The following TMEM232 variants were observed in gnomAD, a reference collection of about 807,000 sequenced individuals.
The protein encoded by TMEM232 is transmembrane protein 232.
TMEM232 carries 80 observed loss-of-function variants against 78.8 expected under a neutral mutation model. That is an observed-to-expected ratio of 1.01 (90% CI 0.85 to 1.22). The LOEUF is 1.22. TMEM232 is among the 50% of genes most tolerant of loss of function. The pLI, the probability that TMEM232 is intolerant of heterozygous loss-of-function variation, is 0.00. For missense variants in TMEM232, 881 were observed against 742.2 expected (o/e 1.19, Z -2.17); for synonymous variants, 297 against 254.3 (o/e 1.17, Z -1.60).
chr5:110,558,788 G>C (rs73222660), intron 11 of TMEM232, among the ~76,000 whole-genome samples: 6,356 of 152,198 alleles, frequency 0.042, 431 homozygotes, highest in African/African-American at 0.14. Context: ...AACTATCTCT[G>C]CCAGCTCAAA....
At chr5:110,391,253 CAT>C (rs1413301293) in intron 3 of TMEM232, among the ~76,000 whole-genome samples, 1 of 146,840 alleles carries the variant, frequency 6.8e-6, no homozygotes, top group Non-Finnish European at 1.5e-5. Context: ...AATGCTGGTA[CAT>C]GTCTATTAGC....
At chr5:110,406,249 A>G (rs1326517950) in intron 2 of TMEM232, among the ~76,000 whole-genome samples, 1 of 135,912 alleles carries the variant, frequency 7.4e-6, no homozygotes, top group Non-Finnish European at 1.6e-5. Context: ...TCATCTACCT[A>G]TGACACAGAT....
intron 2 of TMEM232, among the ~76,000 whole-genome samples, chr5:110,405,308 C>T (rs762994410): frequency 6.6e-6 from 1 of 151,986 alleles, no homozygotes; most frequent in Non-Finnish European, 1.5e-5. Context: ...GGCTTGCATT[C>T]ACTGTCAAAG....
rs1000638883 is a variant in TMEM232, at chr5:110,580,053, C to T, written c.1277-11428G>A. Among the ~76,000 whole-genome samples the T allele has an allele frequency of 4.6e-5, 7 of 151,570 alleles. No homozygotes were observed. The South Asian group carries it at 8.3e-4, about 18-fold the overall frequency. On this transcript the variant is annotated intron_variant, in intron 10 of 13. Transcript: ENST00000455884. Reference sequence around the variant, plus strand: ...AAGAAACAGGCTTTAAGTCAAAAAACGGTCACAATAGACTAAGAAAAATAT... The same window carrying T: ...AAGAAACAGGCTTTAAGTCAAAAAATGGTCACAATAGACTAAGAAAAATAT...
intron 12 of TMEM232, among the ~76,000 whole-genome samples, chr5:110,475,777 C>A (rs1476675031): frequency 6.6e-6 from 1 of 151,854 alleles, no homozygotes; most frequent in Admixed American, 6.6e-5. Context: ...TTAATTGCAG[C>A]ACAAGCACCT....
intron 12 of TMEM232, among the ~76,000 whole-genome samples, chr5:110,461,616 C>T (rs982940084): frequency 2.6e-5 from 4 of 152,170 alleles, no homozygotes; most frequent in African/African-American, 4.8e-5. Context: ...AAGAAGATTT[C>T]ATCTTGGACT....
intron 1 of TMEM232, among the ~76,000 whole-genome samples, chr5:110,679,321 T>C (rs977769409): frequency 6.6e-6 from 1 of 152,258 alleles, no homozygotes; most frequent in African/African-American, 2.4e-5. Context: ...CATCTATATT[T>C]CATCTTTGTT....
intron 12 of TMEM232, among the ~76,000 whole-genome samples, chr5:110,448,695 A>C (rs1447386885): frequency 6.6e-6 from 1 of 152,024 alleles, no homozygotes; most frequent in Non-Finnish European, 1.5e-5. Flanking sequence ...CCCCTCTCAC[A>C]TGGAATGAGG....
intron 12 of TMEM232, among the ~76,000 whole-genome samples, chr5:110,468,587 A>G (rs1762342814): frequency 6.6e-6 from 1 of 152,122 alleles, no homozygotes. Context: ...TTCTATTCGA[A>G]TGATATATAA....
intron 12 of TMEM232, among the ~76,000 whole-genome samples, chr5:110,434,435 CA>C (rs1404448634): frequency 6.6e-6 from 1 of 151,520 alleles, no homozygotes; most frequent in African/African-American, 2.4e-5. Flanking sequence ...AAATCCTAAA[CA>C]GACCATTAAA....
chr5:110,647,210 T>C (rs1226515336), intron 2 of TMEM232, among the ~76,000 whole-genome samples: 5 of 151,852 alleles, frequency 3.3e-5, no homozygotes, highest in Non-Finnish European at 7.4e-5. Context: ...TTGTGAAAAA[T>C]AAAATTTATT....
chr5:110,721,896 G>A (rs1243369995), intron 1 of TMEM232, among the ~76,000 whole-genome samples: 1 of 151,704 alleles, frequency 6.6e-6, no homozygotes, highest in Non-Finnish European at 1.5e-5. Context: ...GAGAGAAGCA[G>A]AAGCACATCC....
intron 12 of TMEM232, among the ~76,000 whole-genome samples, chr5:110,457,843 C>T (rs1413018362): frequency 2.0e-5 from 3 of 151,904 alleles, no homozygotes; most frequent in African/African-American, 7.2e-5. Flanking sequence ...ATTATTCCAA[C>T]TTTTAATAAA....
chr5:110,511,426 A>G (rs1288602764), intron 12 of TMEM232, among the ~76,000 whole-genome samples: 3 of 152,054 alleles, frequency 2.0e-5, no homozygotes, highest in Non-Finnish European at 2.9e-5. Flanking sequence ...CATGTACCCC[A>G]GAACTTAAAG....
At chr5:110,486,712 C>CTATAA (rs1764502885) in intron 12 of TMEM232, among the ~76,000 whole-genome samples, 1 of 152,154 alleles carries the variant, frequency 6.6e-6, no homozygotes, top group Non-Finnish European at 1.5e-5. Flanking sequence ...GTTAATGTGA[C>CTATAA]TATGGCCTTA....
At chr5:110,595,636 T>C (rs573625689) in intron 10 of TMEM232, among the ~76,000 whole-genome samples, 2 of 152,224 alleles carry the variant, frequency 1.3e-5, no homozygotes, top group East Asian at 1.9e-4. Context: ...CATACACAAG[T>C]ATCAATAGCT....
chr5:110,395,033 T>C (rs1164299212), intron 3 of TMEM232, among the ~76,000 whole-genome samples: 1 of 152,080 alleles, frequency 6.6e-6, no homozygotes, highest in Non-Finnish European at 1.5e-5. Flanking sequence ...GTCTTGTGGG[T>C]TAGGTAATTC....
chr5:110,501,914 C>A (rs922533560), intron 12 of TMEM232, among the ~76,000 whole-genome samples: 14 of 151,998 alleles, frequency 9.2e-5, no homozygotes, highest in Admixed American at 3.3e-4. Flanking sequence ...TGAAATGTTG[C>A]TTAGTTTTGC....
chr5:110,435,617 C>T (rs1758345153), intron 12 of TMEM232, among the ~76,000 whole-genome samples: 1 of 151,840 alleles, frequency 6.6e-6, no homozygotes, highest in African/African-American at 2.4e-5. Flanking sequence ...CTCTACCCTT[C>T]ACTACCTCTG....
Sources: allele counts gnomAD v4.1 joint callset (sites outside exome capture counted in the v4.1 genomes callset), GRCh38; gene constraint gnomAD v4.1.1; transcripts MANE v1.5; gene names NCBI Gene and HGNC (gene_info 2026-07-23, HGNC 2026-07-21).